CADM1: variants seen among roughly 807,000 people sequenced by gnomAD.
The protein encoded by CADM1 is cell adhesion molecule 1.
A neutral mutation model predicts 53.1 loss-of-function variants in CADM1; 15 were observed. The ratio of observed to expected loss-of-function variants is 0.28; its 90% CI spans 0.19 to 0.44. The LOEUF (loss-of-function observed/expected upper bound fraction) is 0.44, where lower values mean the gene tolerates loss of function less well. Ranked by LOEUF, CADM1 falls within the 20% of genes least tolerant of loss-of-function variation. CADM1 has a pLI of 1.00. For synonymous variants in CADM1, 281 were observed against 243.0 expected (o/e 1.16, Z -1.45); for missense variants, 434 against 611.3 (o/e 0.71, Z 3.06).
intron 1 of CADM1, among the ~76,000 whole-genome samples, chr11:115,241,822 T>C (rs1942242853): frequency 6.6e-6 from 1 of 152,122 alleles, no homozygotes; most frequent in African/African-American, 2.4e-5. Flanking sequence ...GGCAGATTAT[T>C]TGCTCCTTAA....
At chr11:115,268,263 T>A (rs1298822624) in intron 1 of CADM1, among the ~76,000 whole-genome samples, 1 of 152,208 alleles carries the variant, frequency 6.6e-6, no homozygotes, top group Non-Finnish European at 1.5e-5. Context: ...ACATTCTTGA[T>A]TTTTTACACT....
In CADM1 at chr11:115,397,789, T is replaced by C. The variant is rs1213053797; in HGVS notation, c.124+106482A>G. ...TAACAGGCATGCACCCCTTTGCTAA[T>C]TGTAGAACAGATTAACAAAATGGTG... On this transcript the variant is annotated intron_variant, in intron 1 of 11. Transcript: ENST00000331581. The C allele has an allele frequency of 2.0e-5, 3 of 152,154 alleles. No individual in the cohort carries two copies. In the East Asian group the frequency reaches 5.8e-4, roughly 29 times the overall value. 9.4% of individuals were successfully genotyped at this position (152,154 alleles called of 1,614,324 possible). A position where few individuals can be genotyped will look rare whatever the true frequency, so the allele number is the denominator to read the frequency against.
intron 1 of CADM1, among the ~76,000 whole-genome samples, chr11:115,466,070 A>T (rs1169656846): frequency 6.6e-6 from 1 of 152,110 alleles, no homozygotes; most frequent in Non-Finnish European, 1.5e-5. Context: ...GTAATTTGTT[A>T]TTTAGTTTCT....
chr11:115,487,032 A>G, intron 1 of CADM1, among the ~76,000 whole-genome samples: 1 of 152,192 alleles, frequency 6.6e-6, no homozygotes, highest in Non-Finnish European at 1.5e-5. Flanking sequence ...GCAAATAAGT[A>G]TTCTTTGTTA....
At chr11:115,257,982 T>C (rs1942847983) in intron 1 of CADM1, among the ~76,000 whole-genome samples, 2 of 152,200 alleles carry the variant, frequency 1.3e-5, no homozygotes, top group South Asian at 2.1e-4. Context: ...GCTCTGAGAA[T>C]TGGCATACGT....
intron 1 of CADM1, among the ~76,000 whole-genome samples, chr11:115,433,361 C>G (rs1948104283): frequency 6.6e-6 from 1 of 152,202 alleles, no homozygotes; most frequent in Non-Finnish European, 1.5e-5. Context: ...CAGAAGTGCA[C>G]AGCTTTCTGA....
At chr11:115,346,936 A>C (rs1398088109) in intron 1 of CADM1, among the ~76,000 whole-genome samples, 2 of 152,092 alleles carry the variant, frequency 1.3e-5, no homozygotes, top group East Asian at 3.9e-4. Context: ...AATACCAAAC[A>C]TTGTCAGAAG....
chr11:115,428,131 A>G (rs560114771), intron 1 of CADM1, among the ~76,000 whole-genome samples: 3 of 152,116 alleles, frequency 2.0e-5, no homozygotes, highest in Non-Finnish European at 2.9e-5. Context: ...ACCTCCTCCA[A>G]AAGAGATAAT....
chr11:115,213,842 A>G (rs753244638), intron 7 of CADM1, among the ~76,000 whole-genome samples: 38 of 152,300 alleles, frequency 2.5e-4, no homozygotes, highest in South Asian at 4.1e-4. Flanking sequence ...TGAGGCTTCA[A>G]TTGAACAGAA....
At chr11:115,190,738 G>C (rs1428547907) in intron 10 of CADM1, 150 bp downstream of exon 10, 2 of 588,068 alleles carry the variant, frequency 3.4e-6, no homozygotes, top group Admixed American at 3.0e-5. Context: ...TGGGTGACCG[G>C]GGAGGAAGAC....
At chr11:115,207,254 G>C (rs760955355) in intron 8 of CADM1, 1 of 152,108 alleles carries the variant, frequency 6.6e-6, no homozygotes, top group Non-Finnish European at 1.5e-5. Flanking sequence ...GGACTCAACT[G>C]CTAACATCAA....
intron 1 of CADM1, among the ~76,000 whole-genome samples, chr11:115,346,151 C>T (rs1454044971): frequency 2.0e-5 from 3 of 152,122 alleles, no homozygotes; most frequent in Admixed American, 6.5e-5. Context: ...GGGGTGCAGC[C>T]ACCTCTCAAA....
At chr11:115,214,504 C>T (rs1296470213) in intron 7 of CADM1, 104 bp downstream of exon 7, 3 of 1,163,090 alleles carry the variant, frequency 2.6e-6, no homozygotes, top group African/African-American at 1.5e-5. Context: ...AGGAAACCAA[C>T]TGGTTTTTGA....
chr11:115,477,630 C>T (rs1274558146), intron 1 of CADM1, among the ~76,000 whole-genome samples: 1 of 152,214 alleles, frequency 6.6e-6, no homozygotes, highest in Non-Finnish European at 1.5e-5. Flanking sequence ...TTCTGCTCCA[C>T]TCTGTGTGCT....
At chr11:115,183,601 C>G (rs1939412631) in intron 10 of CADM1, among the ~76,000 whole-genome samples, 1 of 152,084 alleles carries the variant, frequency 6.6e-6, no homozygotes, top group Admixed American at 6.6e-5. Flanking sequence ...AAAAGGACAC[C>G]AAGATTTCTA....
chr11:115,178,797 T>C, intron 10 of CADM1, 22 bp from the exon 11 acceptor site: 1 of 1,613,350 alleles, frequency 6.2e-7, no homozygotes, highest in Non-Finnish European at 8.5e-7. Flanking sequence ...AGAAGAGGAA[T>C]AGGGATGTAG....
intron 1 of CADM1, among the ~76,000 whole-genome samples, chr11:115,258,538 G>A (rs1471508354): frequency 6.6e-6 from 1 of 152,190 alleles, no homozygotes; most frequent in Non-Finnish European, 1.5e-5. Context: ...CCAGAACCCA[G>A]CTTTGTTGGA....
At chr11:115,353,829 C>T (rs1306069968) in intron 1 of CADM1, among the ~76,000 whole-genome samples, 1 of 152,040 alleles carries the variant, frequency 6.6e-6, no homozygotes, top group Non-Finnish European at 1.5e-5. Context: ...TTCCTGAGTC[C>T]CTGGATATCG....
At chr11:115,265,903 C>T (rs1943119628) in intron 1 of CADM1, among the ~76,000 whole-genome samples, 1 of 152,110 alleles carries the variant, frequency 6.6e-6, no homozygotes, top group African/African-American at 2.4e-5. Flanking sequence ...ATTAGGAGGA[C>T]AGTAGTCCCC....
Sources: allele counts gnomAD v4.1 joint callset (sites outside exome capture counted in the v4.1 genomes callset), GRCh38; gene constraint gnomAD v4.1.1; transcripts MANE v1.5; gene names NCBI Gene and HGNC (gene_info 2026-07-23, HGNC 2026-07-21).